ARSG: variants seen among roughly 807,000 people sequenced by gnomAD.
ARSG encodes the protein ASG.
Under a neutral mutation model 50.5 loss-of-function variants are expected in ARSG, and 37 were observed. That is an observed-to-expected ratio of 0.73 (90% confidence interval 0.56 to 0.96). The LOEUF (loss-of-function observed/expected upper bound fraction) is 0.96, where lower values mean the gene tolerates loss of function less well. ARSG is among the 50% of genes least tolerant of loss of function. The pLI is 0.00. For synonymous variants in ARSG, 225 were observed against 254.6 expected (o/e 0.88, Z 1.11); for missense variants, 629 against 675.3 (o/e 0.93, Z 0.76).
At chr17:68,351,545 G>C (rs764085548) in intron 4 of ARSG, 30 bp from the exon 5 acceptor site, 20 of 1,304,918 alleles carry the variant, frequency 1.5e-5, no homozygotes, top group Non-Finnish European at 2.1e-5. Context: ...GCAGCCACGT[G>C]GGGGTGCTAA....
intron 11 of ARSG, among the ~76,000 whole-genome samples, chr17:68,411,422 A>G (rs1490874536): frequency 1.3e-5 from 2 of 152,178 alleles, no homozygotes; most frequent in Middle Eastern, 3.2e-3. Flanking sequence ...GTTTCCATGT[A>G]GTTGAGCGGT....
At chr17:68,375,312 A>C (rs1402292999) in intron 8 of ARSG, among the ~76,000 whole-genome samples, 1 of 152,084 alleles carries the variant, frequency 6.6e-6, no homozygotes, top group Non-Finnish European at 1.5e-5. Flanking sequence ...ACTTTAGACC[A>C]ATGGTTATCA....
At chr17:68,276,261 C>G (rs1408258080) in intron 1 of ARSG, among the ~76,000 whole-genome samples, 1 of 151,384 alleles carries the variant, frequency 6.6e-6, no homozygotes, top group African/African-American at 2.4e-5. Flanking sequence ...ACCCGGCTAA[C>G]GAGAAATTTC....
At chr17:68,288,280 G>A (rs934699725), upstream of ARSG, among the ~76,000 whole-genome samples, 81 of 152,168 alleles carry the variant, frequency 5.3e-4, 1 homozygote, top group African/African-American at 1.7e-3. Context: ...GATTACAGGC[G>A]TGAGCCACTG....
At chr17:68,418,847 A>AT (rs768889423) in intron 11 of ARSG, among the ~76,000 whole-genome samples, 20 of 152,316 alleles carry the variant, frequency 1.3e-4, no homozygotes, top group Non-Finnish European at 2.4e-4. Context: ...TGAGCAACTG[A>AT]TAAGTTTCTA....
intron 6 of ARSG, among the ~76,000 whole-genome samples, chr17:68,368,026 C>T (rs990590954): frequency 2.0e-5 from 3 of 152,082 alleles, no homozygotes; most frequent in South Asian, 2.1e-4. Context: ...GACAATATCG[C>T]GCCACTGCAC....
In ARSG at chr17:68,351,772, CA is replaced by C; in HGVS notation, c.566+87del. On this transcript the variant is annotated intron_variant, in intron 5 of 11. Transcript: ENST00000621439. Reference sequence around the variant, plus strand: ...GTCCATCAGCAATAAATTAAAGATGCAGACAGGAAACAGTTAAGACGGCAAA... The same window carrying C: ...GTCCATCAGCAATAAATTAAAGATGCGACAGGAAACAGTTAAGACGGCAAA... 3 of 873,434 alleles carry C rather than the reference CA, an allele frequency of 3.4e-6. No individual in the cohort carries two copies. In the East Asian group the frequency reaches 7.3e-5, roughly 21 times the overall value. The allele number at this position is 873,434 out of a possible 1,614,324, so 54.1% of individuals were successfully genotyped here.
rs747409836 is a variant in ARSG at position 68,343,574 on chromosome 17, G to A, written c.219-30G>A. Reference sequence around the variant, plus strand: ...TTTACTCTGGCTTCCTGTGGTTGGTGCGGTCCTGACCACTGTCCTTTCCCT... The same window carrying A: ...TTTACTCTGGCTTCCTGTGGTTGGTACGGTCCTGACCACTGTCCTTTCCCT... On this transcript the variant is annotated intron_variant, in intron 2 of 11. Coordinates refer to ENST00000621439, the MANE Select transcript of ARSG (RefSeq NM_001267727.2). The A allele has an allele frequency of 6.4e-6, 10 of 1,563,024 alleles. No homozygotes were observed. The East Asian group carries it at 1.6e-4, about 25-fold the overall frequency.
At chr17:68,331,213 CT>C (rs2077737033) in intron 2 of ARSG, among the ~76,000 whole-genome samples, 1 of 40,988 alleles carries the variant, frequency 2.4e-5, no homozygotes, top group African/African-American at 9.8e-5. Context: ...TTCTTTCTTT[CT>C]TTCTTTCTTT....
chr17:68,292,898 G>C (rs553155429), intron 1 of ARSG, among the ~76,000 whole-genome samples: 5 of 152,248 alleles, frequency 3.3e-5, no homozygotes, highest in African/African-American at 1.2e-4. Context: ...CTCGTAGAGC[G>C]TTAATTTCTC....
chr17:68,426,182 A>C (rs1200230654), downstream of ARSG: 21 of 1,580,294 alleles, frequency 1.3e-5, no homozygotes, highest in Non-Finnish European at 1.8e-5. Context: ...TAACCTGGAA[A>C]CCAAGAAAGA....
At chr17:68,400,639 G>C (rs1226629319) in intron 10 of ARSG, 1 of 152,214 alleles carries the variant, frequency 6.6e-6, no homozygotes, top group Non-Finnish European at 1.5e-5. Context: ...GCCTGTGACC[G>C]GTGCCCCCCA....
intron 11 of ARSG, among the ~76,000 whole-genome samples, chr17:68,408,881 G>A (rs1361059388): frequency 2.0e-5 from 3 of 151,708 alleles, no homozygotes; most frequent in Non-Finnish European, 4.4e-5. Flanking sequence ...GCCAGTGATG[G>A]TGAGCATTTT....
intron 9 of ARSG, among the ~76,000 whole-genome samples, chr17:68,393,531 G>T (rs116968948): frequency 1.3e-5 from 2 of 152,124 alleles, no homozygotes; most frequent in Non-Finnish European, 2.9e-5. Flanking sequence ...AAGAGAAGCC[G>T]AAATGTGCTT....
upstream of ARSG, among the ~76,000 whole-genome samples, chr17:68,288,199 A>C (rs1421403574): frequency 6.6e-6 from 1 of 151,372 alleles, no homozygotes; most frequent in Non-Finnish European, 1.5e-5. Flanking sequence ...ACAGGGTTTC[A>C]CCATGTTGGT....
the ARSG span, among the ~76,000 whole-genome samples, chr17:68,445,249 C>G: frequency 6.6e-6 from 1 of 152,146 alleles, no homozygotes; most frequent in African/African-American, 2.4e-5. Flanking sequence ...GATCAGACCC[C>G]CTGTGCCATG....
chr17:68,305,730 A>G (rs1366909991), intron 1 of ARSG, among the ~76,000 whole-genome samples: 2 of 152,180 alleles, frequency 1.3e-5, no homozygotes, highest in African/African-American at 2.4e-5. Flanking sequence ...AGATTCTATT[A>G]TTAACTTTTT....
chr17:68,301,491 C>A (rs951481440), intron 1 of ARSG, among the ~76,000 whole-genome samples: 6 of 152,286 alleles, frequency 3.9e-5, no homozygotes, highest in African/African-American at 1.4e-4. Flanking sequence ...CACCTCCTGA[C>A]GTTTTGTGCC....
chr17:68,436,336 C>G, the ARSG span: 1 of 1,565,280 alleles, frequency 6.4e-7, no homozygotes, highest in African/African-American at 1.4e-5. Context: ...CATGACCACA[C>G]AGCCAAGGCA....
Sources: gnomAD v4.1 joint callset for allele counts (sites outside exome capture counted in the v4.1 genomes callset) on GRCh38, gnomAD v4.1.1 for gene constraint, MANE v1.5 for transcripts, NCBI Gene and HGNC (gene_info 2026-07-23, HGNC 2026-07-21) for gene names.